The following RBM10 variants were observed in gnomAD, a reference collection of about 807,000 sequenced individuals.
RBM10 encodes the protein RNA-binding protein 10.
Under a neutral mutation model 84.9 loss-of-function variants are expected in RBM10, and 1 was observed. That is an observed-to-expected ratio of 0.01 (90% CI 0.00 to 0.06). RBM10 has a LOEUF of 0.06. RBM10 is among the 10% of genes least tolerant of loss of function. RBM10 has a pLI of 1.00. For synonymous variants in RBM10, 326 were observed against 344.5 expected, an observed-to-expected ratio of 0.95 and a Z score of 0.60; for missense variants, 438 against 839.0, an observed-to-expected ratio of 0.52 and a Z score of 5.90.
At chrX:47,182,392 A>C (rs1935616096) in intron 17 of RBM10, 66 bp downstream of exon 17, 3 of 1,161,265 alleles carry the variant, frequency 2.6e-6, no homozygotes, top group Non-Finnish European at 3.5e-6. Context: ...GCACTCTGTC[A>C]GCTCTTGCCC....
rs1215710010 is a variant in RBM10, at chrX:47,145,249, C to G, written c.-362C>G. 2 of 478,945 alleles carry G rather than the reference C, an allele frequency of 4.2e-6. No individual in the cohort carries two copies. The highest frequency in any genetic ancestry group is 7.4e-5 in the East Asian group (2 of 26,933). The allele number at this position is 478,945 out of a possible 1,213,427, so 39.5% of individuals were successfully genotyped here. Reference sequence around the variant, plus strand: ...AGGTGGATGGTGGTCGGAGCGCCGACTCCCTTCTCGTCGTCGCCATTTTGA... The same window carrying G: ...AGGTGGATGGTGGTCGGAGCGCCGAGTCCCTTCTCGTCGTCGCCATTTTGA... On this transcript the variant is annotated 5_prime_UTR_variant, in exon 1 of 24. Transcript: ENST00000377604.
rs782561060 is a variant in RBM10, at chrX:47,169,290, C to T, written c.18-25C>T. On this transcript the variant is annotated intron_variant, in intron 2 of 23. Transcript: ENST00000377604. ...TTTAGAAAGGGCAACCTTCTGATCCCTCCCCATCCTTCTTCCTCCACTAGT... is the reference window on the plus strand; with the variant it reads ...TTTAGAAAGGGCAACCTTCTGATCCTTCCCCATCCTTCTTCCTCCACTAGT... 43 of 1,190,134 alleles carry T rather than the reference C, an allele frequency of 3.6e-5. No individual in the cohort carries two copies. In the South Asian group the frequency reaches 6.8e-4, roughly 19 times the overall value.
At position 47,172,980 on chromosome X, in the gene RBM10, GTC is replaced by G. The variant is rs1252399136; in HGVS notation, c.433-147_433-146del. 1.3e-5 allele frequency: 15 copies of G among 1,136,441 alleles called. No individual in the cohort carries two copies. The Admixed American group carries it at 1.6e-4, about 12-fold the overall frequency. The allele number at this position is 1,136,441 out of a possible 1,213,427, so 93.7% of individuals were successfully genotyped here. A position where few individuals can be genotyped will look rare whatever the true frequency, so the allele number is the denominator to read the frequency against. The stretch of plus-strand genomic sequence containing the variant: ...GAACTGGTGTGGGCCTGGGGCTGTT[GTC>G]ACTCAGGGAAAAGCTGCGAAAGAGG... On this transcript the variant is annotated intron_variant, in intron 4 of 23. Coordinates refer to ENST00000377604, the MANE Select transcript of RBM10 (RefSeq NM_005676.5).
At chrX:47,183,249 C>T (rs1004086880) in intron 17 of RBM10, among the ~76,000 whole-genome samples, 1 of 111,995 alleles carries the variant, frequency 8.9e-6, no homozygotes, top group African/African-American at 3.2e-5. Context: ...GGCCGGGAGC[C>T]GTGGCTCATG....
At chrX:47,154,697 C>T (rs1932953500) in intron 2 of RBM10, among the ~76,000 whole-genome samples, 1 of 109,905 alleles carries the variant, frequency 9.1e-6, no homozygotes, top group African/African-American at 3.3e-5. Context: ...GTGATCCACT[C>T]GCTTCAGCCT....
In RBM10 at chrX:47,169,508, G is replaced by A. The variant is rs782276868; in HGVS notation, c.201+10G>A. The A allele has an allele frequency of 8.3e-7, 1 of 1,200,940 alleles. No homozygotes were observed. Among genetic ancestry groups the A allele is most frequent in the South Asian group, 1.8e-5 (1 of 55,628 alleles). On this transcript the variant is annotated intron_variant, in intron 3 of 23. Coordinates refer to ENST00000377604, the MANE Select transcript of RBM10 (RefSeq NM_005676.5). Reference sequence around the variant, plus strand: ...GGAGCAGAGTGCGGAGGTGAGGAGGGGGCGCGCTGCGCCAGGCCTGGCTGG... The same window carrying A: ...GGAGCAGAGTGCGGAGGTGAGGAGGAGGCGCGCTGCGCCAGGCCTGGCTGG...
Position 47,182,174 on chromosome X carries a change from G to A in RBM10, c.1798G>A (p.Ala600Thr), listed in dbSNP as rs1935599577. 8.3e-7 allele frequency: 1 copy of A among 1,209,978 alleles called. No homozygotes were observed. Among genetic ancestry groups the A allele is most frequent in the Non-Finnish European group, 1.1e-6 (1 of 895,212 alleles). The change falls in exon 17 of 24, where the codon GCT becomes ACT. Residue 600 changes from alanine to threonine, a missense_variant. Ala to Thr is a moderately conservative substitution (Grantham distance 58, BLOSUM62 0). Coordinates refer to ENST00000377604, the MANE Select transcript of RBM10 (RefSeq NM_005676.5). ...CCTCCTCCCTCAGTATTACTACAAT[G>A]CTCAGAGCCAGCAGTACCTGTACTG... ...YDPNSQYYYN[A>T]QSQQYLYWDG...
At chrX:47,169,224 C>CA in intron 2 of RBM10, 91 bp from the exon 3 acceptor site, 1 of 963,511 alleles carries the variant, frequency 1.0e-6, no homozygotes, top group South Asian at 2.4e-5. Context: ...CCAAAAAAAC[C>CA]AAAACCCTAC....
intron 2 of RBM10, among the ~76,000 whole-genome samples, chrX:47,166,068 A>G (rs1403902999): frequency 6.3e-5 from 7 of 111,371 alleles, no homozygotes; most frequent in African/African-American, 2.3e-4. Flanking sequence ...ATATTTTACC[A>G]CAATACAAAA....
At chrX:47,145,552 G>A in intron 1 of RBM10, 67 bp downstream of exon 1, 1 of 1,097,182 alleles carries the variant, frequency 9.1e-7, no homozygotes, top group Non-Finnish European at 1.2e-6. Context: ...GAGGAGGCGC[G>A]AGGGCGGACT....
intron 7 of RBM10, among the ~76,000 whole-genome samples, 157 bp downstream of exon 7, chrX:47,176,743 T>TCA (rs1335899797): frequency 9.3e-6 from 1 of 107,889 alleles, no homozygotes; most frequent in Non-Finnish European, 1.9e-5. Flanking sequence ...TCTCTCTCTC[T>TCA]CATTCTCTAT....
At chrX:47,165,407 C>T (rs782678209) in intron 2 of RBM10, among the ~76,000 whole-genome samples, 3 of 106,590 alleles carry the variant, frequency 2.8e-5, no homozygotes, top group East Asian at 6.0e-4. Flanking sequence ...CCCAGCTACT[C>T]GGGAGGCTGA....
chrX:47,152,876 C>T (rs1357610996), intron 2 of RBM10, among the ~76,000 whole-genome samples: 2 of 105,639 alleles, frequency 1.9e-5, no homozygotes, highest in South Asian at 4.3e-4. Flanking sequence ...GTCAGAGTTT[C>T]ACTCTTGTTG....
chrX:47,154,154 C>T (rs1932912113), intron 2 of RBM10, among the ~76,000 whole-genome samples: 1 of 111,989 alleles, frequency 8.9e-6, no homozygotes, highest in Non-Finnish European at 1.9e-5. Flanking sequence ...GAAATATACT[C>T]ATTTTGTGAA....
At chrX:47,158,692 G>A (rs1197109715) in intron 2 of RBM10, among the ~76,000 whole-genome samples, 3 of 111,848 alleles carry the variant, frequency 2.7e-5, no homozygotes, top group African/African-American at 9.8e-5. Flanking sequence ...ATGGGCCACC[G>A]CATCTGGCCT....
intron 2 of RBM10, among the ~76,000 whole-genome samples, chrX:47,152,672 C>G (rs782314581): frequency 2.5e-4 from 27 of 107,074 alleles, no homozygotes; most frequent in Non-Finnish European, 5.0e-4. Context: ...GTCTCAAACT[C>G]CTGACCTCAG....
intron 2 of RBM10, among the ~76,000 whole-genome samples, chrX:47,162,911 T>G (rs1327765727): frequency 9.1e-6 from 1 of 109,659 alleles, no homozygotes; most frequent in East Asian, 2.8e-4. Flanking sequence ...TAGAGAAATT[T>G]TACAGGGAAG....
chrX:47,152,028 A>G (rs1273889282), intron 2 of RBM10, among the ~76,000 whole-genome samples: 1 of 111,092 alleles, frequency 9.0e-6, no homozygotes, highest in Non-Finnish European at 1.9e-5. Context: ...CCTGGCCAAC[A>G]TGGTGAAACC....
At chrX:47,173,056 C>G in intron 4 of RBM10, 72 bp from the exon 5 acceptor site, 1 of 1,208,119 alleles carries the variant, frequency 8.3e-7, no homozygotes, top group Middle Eastern at 2.3e-4. Flanking sequence ...GATCCAGAGG[C>G]CTCCAGCCAG....
Sources: gnomAD v4.1 joint callset for allele counts (sites outside exome capture counted in the v4.1 genomes callset) on GRCh38, gnomAD v4.1.1 for gene constraint, MANE v1.5 for transcripts, NCBI Gene and HGNC (gene_info 2026-07-23, HGNC 2026-07-21) for gene names.